SULF1: variants seen among roughly 807,000 people sequenced by gnomAD.
SULF1 encodes the protein extracellular sulfatase Sulf-1.
Under a neutral mutation model 110.5 loss-of-function variants are expected in SULF1, and 46 were observed. The ratio of observed to expected loss-of-function variants is 0.42; its 90% CI spans 0.33 to 0.53. SULF1 has a LOEUF of 0.53. Among genes scored for constraint, SULF1 ranks in the 20% least tolerant of loss-of-function variants. SULF1 has a pLI of 0.12. For synonymous variants in SULF1, 371 were observed against 387.1 expected, an observed-to-expected ratio of 0.96 and a Z score of 0.49; for missense variants, 941 against 1,094.2, an observed-to-expected ratio of 0.86 and a Z score of 1.98.
chr8:69,544,252 T>G lies in SULF1; in HGVS notation c.-133-19287T>G, dbSNP rs552668454. On this transcript the variant is annotated intron_variant, in intron 3 of 22. Coordinates refer to ENST00000402687, the MANE Select transcript of SULF1 (RefSeq NM_001128205.2). ...CTGAGACATTTATACAAAACAAATG[T>G]TTTTTTTTGTTTGTTTTTTTGTTTG... 1.1e-4 allele frequency among the ~76,000 whole-genome samples: 17 copies of G among 150,778 alleles called. No individual in the cohort carries two copies. The South Asian group carries it at 2.9e-3, about 26-fold the overall frequency.
chr8:69,496,791 C>T (rs1476989369), intron 2 of SULF1, among the ~76,000 whole-genome samples: 3 of 152,204 alleles, frequency 2.0e-5, no homozygotes, highest in Admixed American at 6.5e-5. Context: ...GCTGCCTGAG[C>T]CACTGTGCTT....
At chr8:69,498,476 A>T (rs1810542009) in intron 2 of SULF1, among the ~76,000 whole-genome samples, 1 of 152,200 alleles carries the variant, frequency 6.6e-6, no homozygotes, top group Admixed American at 6.5e-5. Flanking sequence ...CCACACTGTG[A>T]TCCCATAAGA....
intron 19 of SULF1, among the ~76,000 whole-genome samples, chr8:69,633,255 A>G (rs1810722493): frequency 6.6e-6 from 1 of 151,866 alleles, no homozygotes; most frequent in Admixed American, 6.6e-5. Flanking sequence ...TTGCTTTCAT[A>G]TGAAACATGA....
Position 69,495,785 on chromosome 8 carries a change from A to G in SULF1, c.-370A>G, listed in dbSNP as rs935401667. 6.6e-6 allele frequency: 1 copy of G among 152,232 alleles called. No homozygotes were observed. Among genetic ancestry groups the G allele is most frequent in the African/African-American group, 2.4e-5 (1 of 41,450 alleles). 9.4% of individuals were successfully genotyped at this position (152,232 alleles called of 1,614,324 possible). On this transcript the variant is annotated 5_prime_UTR_variant, in exon 2 of 23. Coordinates refer to ENST00000402687, the MANE Select transcript of SULF1 (RefSeq NM_001128205.2). ...AACAGGGATTCTTCACTTCTCTTGA[A>G]CAAGGAACTCACTCAGAGACTAACA...
chr8:69,647,568 T>C (rs576878653), intron 22 of SULF1, among the ~76,000 whole-genome samples: 38 of 152,104 alleles, frequency 2.5e-4, no homozygotes, highest in Non-Finnish European at 5.6e-4. Flanking sequence ...CCATTTTTTA[T>C]TCCTTTGCTT....
rs571156547 is a variant in SULF1, at chr8:69,631,375, T to TC, written c.2284+1700dup. ...AGACCTCCTCTGTGGCCTCCCAGGC[T>TC]CCCCTCTGGTCCTCACCAGTCCATC... On this transcript the variant is annotated intron_variant, in intron 19 of 22. Coordinates refer to ENST00000402687, the MANE Select transcript of SULF1 (RefSeq NM_001128205.2). Among the ~76,000 whole-genome samples the TC allele has an allele frequency of 6.0e-4, 92 of 152,248 alleles. 1 individual carries two copies. The Middle Eastern group carries it at 0.014, about 23-fold the overall frequency.
At chr8:69,544,257 T>G (rs528799364) in intron 3 of SULF1, among the ~76,000 whole-genome samples, 26 of 147,382 alleles carry the variant, frequency 1.8e-4, no homozygotes, top group Admixed American at 6.7e-5. Flanking sequence ...AAATGTTTTT[T>G]TTTGTTTGTT....
intron 13 of SULF1, among the ~76,000 whole-genome samples, chr8:69,612,549 G>T (rs1367807958): frequency 6.6e-6 from 1 of 151,744 alleles, no homozygotes; most frequent in African/African-American, 2.4e-5. Context: ...AGCCATGCTT[G>T]CAGGAATAAG....
intron 3 of SULF1, among the ~76,000 whole-genome samples, chr8:69,528,464 T>G (rs1812852440): frequency 6.6e-6 from 1 of 152,194 alleles, no homozygotes; most frequent in Admixed American, 6.5e-5. Flanking sequence ...AAAAGATTAG[T>G]CGACTTAGTA....
At chr8:69,504,728 T>G (rs996539486) in intron 3 of SULF1, among the ~76,000 whole-genome samples, 1 of 152,156 alleles carries the variant, frequency 6.6e-6, no homozygotes, top group Non-Finnish European at 1.5e-5. Context: ...ATGTTTGGCT[T>G]CAGAGATCTC....
At chr8:69,572,749 C>A (rs555560120) in intron 5 of SULF1, among the ~76,000 whole-genome samples, 1 of 152,156 alleles carries the variant, frequency 6.6e-6, no homozygotes, top group African/African-American at 2.4e-5. Flanking sequence ...GCTTATTATG[C>A]CCTTCAGGTG....
At chr8:69,647,464 C>T (rs947031066) in intron 22 of SULF1, among the ~76,000 whole-genome samples, 2 of 152,104 alleles carry the variant, frequency 1.3e-5, no homozygotes, top group Non-Finnish European at 2.9e-5. Flanking sequence ...AATTGGCTTT[C>T]ATTTGTAAAA....
intron 13 of SULF1, among the ~76,000 whole-genome samples, chr8:69,617,382 T>C: frequency 1.1e-3 from 1 of 916 alleles, no homozygotes; most frequent in South Asian, 0.05. Flanking sequence ...GCTATATATA[T>C]ATATATATAT....
chr8:69,529,238 T>G (rs1812920803), intron 3 of SULF1, among the ~76,000 whole-genome samples: 2 of 152,116 alleles, frequency 1.3e-5, no homozygotes, highest in Non-Finnish European at 2.9e-5. Context: ...CTTGGATATA[T>G]GAAAGGGAAA....
At chr8:69,592,900 A>T in intron 8 of SULF1, 2 of 987,206 alleles carry the variant, frequency 2.0e-6, no homozygotes, top group Non-Finnish European at 2.4e-6. Context: ...TGAGCCTCTC[A>T]CACCTGGCCA....
intron 3 of SULF1, among the ~76,000 whole-genome samples, chr8:69,503,517 T>C (rs890273080): frequency 6.6e-6 from 1 of 152,180 alleles, no homozygotes; most frequent in Admixed American, 6.5e-5. Context: ...ATAAGTTCAA[T>C]GAACAGAACT....
At chr8:69,588,845 C>T (rs1230510695) in intron 7 of SULF1, 127 bp from the exon 8 acceptor site, 1 of 840,170 alleles carries the variant, frequency 1.2e-6, no homozygotes, top group Non-Finnish European at 1.8e-6. Flanking sequence ...GAGGTGCAGC[C>T]TTCCTTCCTG....
intron 13 of SULF1, among the ~76,000 whole-genome samples, chr8:69,615,449 T>G (rs945864683): frequency 4.6e-5 from 7 of 152,182 alleles, no homozygotes; most frequent in African/African-American, 1.7e-4. Context: ...GTAGGAAGAT[T>G]TTCAAAGCCT....
intron 22 of SULF1, chr8:69,642,318 A>G: frequency 3.0e-6 from 3 of 987,330 alleles, no homozygotes; most frequent in Non-Finnish European, 3.6e-6. Context: ...TTAGTCCACC[A>G]AGAAGCCAAA....
Sources: gnomAD v4.1 joint callset for allele counts (sites outside exome capture counted in the v4.1 genomes callset) on GRCh38, gnomAD v4.1.1 for gene constraint, MANE v1.5 for transcripts, NCBI Gene and HGNC (gene_info 2026-07-23, HGNC 2026-07-21) for gene names.